Variants in MRTFA observed in about 807,000 individuals in gnomAD.
The protein encoded by MRTFA is myocardin-related transcription factor A.
A neutral mutation model predicts 83.5 loss-of-function variants in MRTFA; 20 were observed. The observed-to-expected ratio is 0.24, with a 90% CI of 0.17 to 0.35. The LOEUF is 0.35. MRTFA is among the 10% of genes least tolerant of loss of function. MRTFA has a pLI of 1.00. For missense variants in MRTFA, 1,200 were observed against 1,224.7 expected (o/e 0.98, Z 0.30); for synonymous variants, 659 against 541.2 (o/e 1.22, Z -3.02).
intron 7 of MRTFA, among the ~76,000 whole-genome samples, chr22:40,426,363 C>T (rs1446176808): frequency 1.3e-5 from 2 of 152,152 alleles, no homozygotes; most frequent in Non-Finnish European, 2.9e-5. Flanking sequence ...GCCCAAAAAC[C>T]TGCTCCATTG....
rs1319910772 is a variant in MRTFA at position 40,418,785 on chromosome 22, G to C, written c.1953C>G (p.Leu651=). 19 of 1,584,188 alleles carry C rather than the reference G, an allele frequency of 1.2e-5. No homozygotes were observed. Among genetic ancestry groups the C allele is most frequent in the Non-Finnish European group, 1.5e-5 (18 of 1,169,914 alleles). Residue 651 remains leucine (L), a synonymous_variant, in exon 12 of 15, where the codon CTC becomes CTG. Transcript: ENST00000355630. ...GCTTCTCCTGCTCCAGCTGCAGCTT[G>C]AGCCGCTCCACCAGCTGCTGCTTCT...
chr22:40,471,603 C>G (rs1180831571), intron 3 of MRTFA, among the ~76,000 whole-genome samples: 1 of 152,206 alleles, frequency 6.6e-6, no homozygotes, highest in Non-Finnish European at 1.5e-5. Context: ...TTAATACTGG[C>G]TGGGCGCGGT....
At chr22:40,491,562 A>G (rs1264352673) in intron 3 of MRTFA, among the ~76,000 whole-genome samples, 1 of 152,248 alleles carries the variant, frequency 6.6e-6, no homozygotes, top group Non-Finnish European at 1.5e-5. Flanking sequence ...CAGACAGAAG[A>G]AACTGAAATG....
chr22:40,458,924 A>C (rs1047594379), intron 4 of MRTFA, among the ~76,000 whole-genome samples: 1 of 151,974 alleles, frequency 6.6e-6, no homozygotes, highest in African/African-American at 2.4e-5. Flanking sequence ...AAATACAAAA[A>C]TTAGCTGGGT....
intron 5 of MRTFA, among the ~76,000 whole-genome samples, chr22:40,434,288 T>C (rs1043196543): frequency 1.3e-5 from 2 of 151,746 alleles, no homozygotes; most frequent in African/African-American, 4.8e-5. Context: ...TGCTTGTTAC[T>C]CCTTTGGTTC....
chr22:40,470,493 C>T (rs576316403), intron 3 of MRTFA, among the ~76,000 whole-genome samples: 37 of 151,212 alleles, frequency 2.4e-4, no homozygotes, highest in Middle Eastern at 3.4e-3. Flanking sequence ...TCACAGCCTA[C>T]ACTGGAAAAG....
Position 40,411,172 on chromosome 22 carries a change from A to G in MRTFA, c.*218T>C, listed in dbSNP as rs1033229687. On this transcript the variant is annotated 3_prime_UTR_variant, in exon 15 of 15. Coordinates refer to ENST00000355630, the MANE Select transcript of MRTFA (RefSeq NM_020831.6). The stretch of plus-strand genomic sequence containing the variant: ...CGTGTGTCCAAAACCCCAGCGTGAG[A>G]GCCAGGGCTGCTTCTTGACAGCTGC... The G allele has an allele frequency of 4.4e-6, 2 of 452,786 alleles. No homozygotes were observed. Among genetic ancestry groups the G allele is most frequent in the Non-Finnish European group, 3.8e-6 (1 of 261,962 alleles). 28.0% of individuals were successfully genotyped at this position (452,786 alleles called of 1,614,324 possible).
intron 3 of MRTFA, among the ~76,000 whole-genome samples, chr22:40,544,759 A>C (rs907592501): frequency 1.3e-5 from 2 of 152,092 alleles, no homozygotes; most frequent in Non-Finnish European, 1.5e-5. Context: ...GCTACATAGC[A>C]AGACTCTGTC....
intron 2 of MRTFA, among the ~76,000 whole-genome samples, chr22:40,561,858 G>A (rs2055623268): frequency 6.6e-6 from 1 of 152,122 alleles, no homozygotes; most frequent in South Asian, 2.1e-4. Flanking sequence ...CAGTGAAAGT[G>A]ATGGTATGCC....
rs2052894534 is a variant in MRTFA, at chr22:40,423,788, G to C, written c.778-103C>G. 1.5e-5 allele frequency: 17 copies of C among 1,116,616 alleles called. No individual in the cohort carries two copies. In the South Asian group the frequency reaches 2.9e-4, roughly 19 times the overall value. 69.2% of individuals were successfully genotyped at this position (1,116,616 alleles called of 1,614,324 possible). The stretch of plus-strand genomic sequence containing the variant: ...GTCCTCAGACGCCACCATTGTCAGA[G>C]GGCAAATGGTGGGCAGAGACCGGAG... On this transcript the variant is annotated intron_variant, in intron 8 of 14. Coordinates refer to ENST00000355630, the MANE Select transcript of MRTFA (RefSeq NM_020831.6).
chr22:40,618,634 G>T (rs935153695), intron 1 of MRTFA, among the ~76,000 whole-genome samples: 2 of 152,114 alleles, frequency 1.3e-5, no homozygotes, highest in Non-Finnish European at 2.9e-5. Flanking sequence ...CAGATAATAA[G>T]AAATCAAGGG....
At chr22:40,577,055 T>C (rs2061176769) in intron 2 of MRTFA, among the ~76,000 whole-genome samples, 1 of 151,894 alleles carries the variant, frequency 6.6e-6, no homozygotes, top group African/African-American at 2.4e-5. Context: ...AGACCTCATC[T>C]CCACAAAAAA....
intron 3 of MRTFA, among the ~76,000 whole-genome samples, chr22:40,528,214 G>A (rs934691824): frequency 1.3e-5 from 2 of 152,144 alleles, no homozygotes; most frequent in East Asian, 3.8e-4. Context: ...TGAATACCCA[G>A]GCACTGGTTT....
intron 4 of MRTFA, among the ~76,000 whole-genome samples, chr22:40,459,197 G>A (rs1348318966): frequency 6.8e-6 from 1 of 147,780 alleles, no homozygotes; most frequent in African/African-American, 2.5e-5. Flanking sequence ...GGGGGACACA[G>A]GGTAGTGGTG....
In MRTFA at chr22:40,416,825, G is replaced by C. The variant is rs1194238623; in HGVS notation, c.2578+161C>G. The stretch of plus-strand genomic sequence containing the variant: ...GCACCTTCCCTGGTCCTCTCGCCCA[G>C]GCCTTGGAGACGGGAGGGCTCACAG... On this transcript the variant is annotated intron_variant, in intron 14 of 14. Coordinates refer to ENST00000355630, the MANE Select transcript of MRTFA (RefSeq NM_020831.6). The surrounding 1 kb of genome is among the most constrained non-coding windows in gnomAD (Gnocchi z 4.2). 5.8e-6 allele frequency: 4 copies of C among 689,812 alleles called. No individual in the cohort carries two copies. Among genetic ancestry groups the C allele is most frequent in the Non-Finnish European group, 9.8e-6 (4 of 406,984 alleles). The allele number at this position is 689,812 out of a possible 1,614,324, so 42.7% of individuals were successfully genotyped here.
At chr22:40,522,342 G>C (rs1569309955) in intron 3 of MRTFA, 1 of 152,228 alleles carries the variant, frequency 6.6e-6, no homozygotes, top group African/African-American at 2.4e-5. Context: ...GGAGGGCACA[G>C]GACTGGGCAG....
intron 3 of MRTFA, among the ~76,000 whole-genome samples, chr22:40,507,620 G>GA (rs1008491991): frequency 7.3e-4 from 106 of 144,810 alleles, no homozygotes; most frequent in South Asian, 1.1e-3. Context: ...CTCTCTGAAA[G>GA]AAAAAAAAAA....
intron 9 of MRTFA, among the ~76,000 whole-genome samples, chr22:40,422,677 T>A (rs768747716): frequency 2.0e-5 from 3 of 152,140 alleles, no homozygotes; most frequent in Non-Finnish European, 4.4e-5. Context: ...GAGGCGGGAC[T>A]GGGGATGTCA....
chr22:40,480,720 G>A (rs2054074667), intron 3 of MRTFA, among the ~76,000 whole-genome samples: 1 of 151,230 alleles, frequency 6.6e-6, no homozygotes, highest in African/African-American at 2.4e-5. Flanking sequence ...CAAGGTGGGA[G>A]GATCACGCCC....
Sources: gnomAD v4.1 joint callset for allele counts (sites outside exome capture counted in the v4.1 genomes callset) on GRCh38, gnomAD v4.1.1 for gene constraint, Gnocchi (gnomAD v3.1) non-coding constraint, MANE v1.5 for transcripts, NCBI Gene and HGNC (gene_info 2026-07-23, HGNC 2026-07-21) for gene names.